The following DPP6 variants were observed in gnomAD, a reference collection of about 807,000 sequenced individuals.
The protein encoded by DPP6 is dipeptidyl peptidase like 6.
Under a neutral mutation model 122.6 loss-of-function variants are expected in DPP6, and 69 were observed. The ratio of observed to expected loss-of-function variants is 0.56; its 90% CI spans 0.46 to 0.69. The LOEUF (loss-of-function observed/expected upper bound fraction) is 0.69. DPP6 is among the 30% of genes least tolerant of loss of function. DPP6 has a pLI of 0.00. For synonymous variants in DPP6, 418 were observed against 433.1 expected (o/e 0.97, Z 0.43); for missense variants, 928 against 1,116.9 (o/e 0.83, Z 2.41).
chr7:154,305,170 C>T, intron 1 of DPP6: 2 of 927,238 alleles, frequency 2.2e-6, no homozygotes, highest in Middle Eastern at 5.1e-4. Context: ...CTCGGGTCCC[C>T]TTCCTGCACC....
At chr7:154,021,879 C>T (rs534425962) in intron 1 of DPP6, among the ~76,000 whole-genome samples, 4 of 152,340 alleles carry the variant, frequency 2.6e-5, no homozygotes, top group Non-Finnish European at 5.9e-5. Flanking sequence ...TCTACCCATT[C>T]AAATGCTCAT....
chr7:154,551,593 A>G (rs1314683802), intron 4 of DPP6, among the ~76,000 whole-genome samples: 1 of 152,186 alleles, frequency 6.6e-6, no homozygotes, highest in African/African-American at 2.4e-5. Context: ...ATCAATTGGT[A>G]TCATTCATTA....
At chr7:154,452,859 A>G (rs906328753) in intron 2 of DPP6, among the ~76,000 whole-genome samples, 1 of 152,242 alleles carries the variant, frequency 6.6e-6, no homozygotes, top group African/African-American at 2.4e-5. Context: ...TCAAATTAAA[A>G]GTGTTCAAGG....
intron 1 of DPP6, among the ~76,000 whole-genome samples, chr7:154,331,682 C>A (rs1808957674): frequency 6.6e-6 from 1 of 152,182 alleles, no homozygotes; most frequent in Non-Finnish European, 1.5e-5. Flanking sequence ...GCGTGCTGTG[C>A]TGTGCCTGTG....
In DPP6 at chr7:154,870,146, C is replaced by CTTTTT. The variant is rs61457825; in HGVS notation, c.1813+2067_1813+2071dup. 5.7e-3 allele frequency among the ~76,000 whole-genome samples: 689 copies of CTTTTT among 121,676 alleles called. 11 individuals carry two copies. Among genetic ancestry groups the CTTTTT allele is most frequent in the African/African-American group, 0.017 (532 of 31,766 alleles). The allele number at this position is 121,676 out of a possible 152,430, so 79.8% of individuals were successfully genotyped here. A position where few individuals can be genotyped will look rare whatever the true frequency, so the allele number is the denominator to read the frequency against. On this transcript the variant is annotated intron_variant, in intron 18 of 25. Transcript: ENST00000377770. ...AGGCAGGCCACATGCCCAACTAATT[C>CTTTTT]TTTTTTTTTTTTTTTTTTCGTAGAG...
chr7:153,900,663 C>A (rs1799606937), intron 1 of DPP6, among the ~76,000 whole-genome samples: 1 of 152,108 alleles, frequency 6.6e-6, no homozygotes, highest in African/African-American at 2.4e-5. Flanking sequence ...CCTCCATGAC[C>A]CAAATACCTC....
At chr7:154,789,685 G>A (rs1797556305) in intron 10 of DPP6, among the ~76,000 whole-genome samples, 1 of 152,218 alleles carries the variant, frequency 6.6e-6, no homozygotes, top group South Asian at 2.1e-4. Context: ...GGTGTATGGT[G>A]TGCTGTTTGT....
chr7:154,852,509 C>CCTCTCCTG (rs1563283397), intron 16 of DPP6, among the ~76,000 whole-genome samples: 2 of 34,716 alleles, frequency 5.8e-5, no homozygotes, highest in Non-Finnish European at 8.8e-5. Context: ...TGCCTCTCCT[C>CCTCTCCTG]CCTCTCCTCC....
intron 1 of DPP6, among the ~76,000 whole-genome samples, chr7:154,309,071 C>T (rs1280048808): frequency 6.6e-6 from 1 of 152,336 alleles, no homozygotes; most frequent in East Asian, 1.9e-4. Context: ...CTAGTTCATG[C>T]TCTCGTGCTG....
intron 1 of DPP6, among the ~76,000 whole-genome samples, chr7:154,206,824 G>A (rs1400103639): frequency 3.9e-5 from 6 of 152,182 alleles, no homozygotes; most frequent in African/African-American, 1.4e-4. Flanking sequence ...ACTTTGAAAT[G>A]GTTAATGCTG....
chr7:154,799,273 G>A (rs545263424), intron 12 of DPP6, among the ~76,000 whole-genome samples: 13 of 152,250 alleles, frequency 8.5e-5, no homozygotes, highest in African/African-American at 2.2e-4. Context: ...ACGGTCACCC[G>A]CAGAGATTCC....
chr7:154,435,258 G>A (rs1356309160), intron 1 of DPP6, among the ~76,000 whole-genome samples: 1 of 152,094 alleles, frequency 6.6e-6, no homozygotes, highest in Admixed American at 6.5e-5. Context: ...GGAGAAGGAG[G>A]ACGAGAGAGA....
chr7:154,470,131 T>G (rs1822134008), intron 2 of DPP6, among the ~76,000 whole-genome samples: 2 of 152,208 alleles, frequency 1.3e-5, no homozygotes, highest in African/African-American at 4.8e-5. Context: ...CTTGGGGGTC[T>G]GTCTCCCCTG....
At chr7:154,563,207 G>A (rs1830538207) in intron 4 of DPP6, among the ~76,000 whole-genome samples, 1 of 152,216 alleles carries the variant, frequency 6.6e-6, no homozygotes, top group Admixed American at 6.5e-5. Flanking sequence ...AGAAGAAAGA[G>A]GAGTTGCAAA....
the DPP6 span, among the ~76,000 whole-genome samples, chr7:153,871,365 C>T: frequency 2.0e-5 from 3 of 152,186 alleles, no homozygotes; most frequent in South Asian, 4.1e-4. Flanking sequence ...CGCCCCTCCC[C>T]CAGCCTCACT....
intron 5 of DPP6, among the ~76,000 whole-genome samples, chr7:154,570,519 C>T (rs1831041371): frequency 6.6e-6 from 1 of 152,044 alleles, no homozygotes; most frequent in African/African-American, 2.4e-5. Flanking sequence ...TATATTCTCT[C>T]CGAACCCCTT....
intron 1 of DPP6, among the ~76,000 whole-genome samples, chr7:154,085,007 A>AAAAAAAAAC (rs1563182900): frequency 2.7e-5 from 4 of 149,026 alleles, no homozygotes; most frequent in Non-Finnish European, 3.0e-5. Context: ...AAAAAAAAAA[A>AAAAAAAAAC]AAAACAGGTG....
the DPP6 span, among the ~76,000 whole-genome samples, chr7:153,833,757 A>C: frequency 4.9e-4 from 74 of 152,244 alleles, no homozygotes; most frequent in African/African-American, 1.7e-3. Flanking sequence ...CATAGTTGGC[A>C]TGCACTCATG....
intron 1 of DPP6, among the ~76,000 whole-genome samples, chr7:154,062,215 G>A (rs1479154021): frequency 4.0e-5 from 4 of 99,002 alleles, no homozygotes; most frequent in East Asian, 2.8e-4. Flanking sequence ...GACTGCGGGT[G>A]TTAGGTGTCC....
Sources: allele counts gnomAD v4.1 joint callset (sites outside exome capture counted in the v4.1 genomes callset), GRCh38; gene constraint gnomAD v4.1.1; transcripts MANE v1.5; gene names NCBI Gene and HGNC (gene_info 2026-07-23, HGNC 2026-07-21).